Variants in GLI2 observed in about 807,000 individuals in gnomAD.
GLI2 encodes GLI family zinc finger 2.
Under a neutral mutation model 78.9 loss-of-function variants are expected in GLI2, and 22 were observed. The observed-to-expected ratio is 0.28, with a 90% CI of 0.20 to 0.40. GLI2 has a LOEUF of 0.40. Ranked by LOEUF, GLI2 falls within the 10% of genes least tolerant of loss-of-function variation. GLI2 has a pLI of 1.00. For missense variants in GLI2, 2,097 were observed against 2,213.2 expected, an observed-to-expected ratio of 0.95 and a Z score of 1.05; for synonymous variants, 974 against 963.7, an observed-to-expected ratio of 1.01 and a Z score of -0.20.
chr2:120,975,877 C>T (rs1682433319), intron 9 of GLI2, among the ~76,000 whole-genome samples: 1 of 152,196 alleles, frequency 6.6e-6, no homozygotes, highest in South Asian at 2.1e-4. Context: ...GTGACTCCAC[C>T]TCTGTGAGCT....
intron 3 of GLI2, among the ~76,000 whole-genome samples, chr2:120,947,465 A>T (rs953939002): frequency 2.6e-5 from 4 of 152,170 alleles, no homozygotes; most frequent in Non-Finnish European, 5.9e-5. Context: ...CACGGCTGTG[A>T]TCTCACTGGC....
At chr2:120,889,586 C>T (rs1316358441) in intron 2 of GLI2, among the ~76,000 whole-genome samples, 2 of 152,082 alleles carry the variant, frequency 1.3e-5, no homozygotes, top group African/African-American at 4.8e-5. Context: ...AAACCTCATA[C>T]CTGACAAGGG....
chr2:120,974,855 C>T (rs989480072), intron 8 of GLI2, 120 bp from the exon 9 acceptor site: 11 of 1,373,596 alleles, frequency 8.0e-6, no homozygotes, highest in South Asian at 5.8e-5. Context: ...CACACACTTG[C>T]ATCCACACCT....
At chr2:120,968,974 G>A (rs1440140354) in intron 6 of GLI2, 59 bp downstream of exon 6, 21 of 1,372,742 alleles carry the variant, frequency 1.5e-5, no homozygotes, top group Non-Finnish European at 2.1e-5. Context: ...GGCCCGGTGG[G>A]GAGGCGCTGG....
Position 120,990,390 on chromosome 2 carries a change from G to GGTCAACCAGGT in GLI2, c.4429_4439dup (p.Ser1481ThrfsTer36). ...AGCCCCAGCCCTTGCCCTCACCAGG[G>GGTCAACCAGGT]GTCAACCAGGTGTCCAGCACTGTGG... On this transcript the variant is annotated frameshift_variant, in exon 14 of 14. Transcript: ENST00000361492. LOFTEE classifies it high-confidence loss of function. 1 of 1,614,046 alleles carries GGTCAACCAGGT rather than the reference G, an allele frequency of 6.2e-7. No homozygotes were observed. Among genetic ancestry groups the GGTCAACCAGGT allele is most frequent in the Non-Finnish European group, 8.5e-7 (1 of 1,180,004 alleles).
rs1421535014 is a variant in GLI2, at chr2:120,797,484, C to T, written c.148+16C>T. 50 of 1,611,634 alleles carry T rather than the reference C, an allele frequency of 3.1e-5. No homozygotes were observed. The highest frequency in any genetic ancestry group is 3.4e-4 in the Middle Eastern group (2 of 5,944). ...GCCCAAGGAGGTACTTTCTGTTTCG[C>T]ACACTTGGAGGGCAGCAGGGGTGTT... On this transcript the variant is annotated intron_variant, in intron 2 of 13. Transcript: ENST00000361492.
At chr2:120,843,932 G>T (rs1050140702) in intron 2 of GLI2, among the ~76,000 whole-genome samples, 8 of 152,284 alleles carry the variant, frequency 5.3e-5, no homozygotes, top group African/African-American at 1.9e-4. Flanking sequence ...CTCCCAAAGT[G>T]CTGGGATTAC....
At chr2:120,770,749 A>G (rs950818786) in intron 1 of GLI2, among the ~76,000 whole-genome samples, 7 of 152,160 alleles carry the variant, frequency 4.6e-5, no homozygotes, top group East Asian at 3.9e-4. Context: ...ATGGTCACCA[A>G]TGGAAAGTGC....
At chr2:120,742,774 C>A (rs541195620) in intron 1 of GLI2, among the ~76,000 whole-genome samples, 1 of 151,838 alleles carries the variant, frequency 6.6e-6, no homozygotes, top group African/African-American at 2.4e-5. Context: ...CTTTTCAATT[C>A]CTACATAAAT....
At chr2:120,927,629 C>A in intron 3 of GLI2, among the ~76,000 whole-genome samples, 163 bp downstream of exon 3, 1 of 152,226 alleles carries the variant, frequency 6.6e-6, no homozygotes, top group East Asian at 1.9e-4. Flanking sequence ...TGGCCTGGGA[C>A]CCTGTGTGAG....
chr2:120,826,038 T>C (rs921782247), intron 2 of GLI2, among the ~76,000 whole-genome samples: 1 of 152,106 alleles, frequency 6.6e-6, no homozygotes, highest in Non-Finnish European at 1.5e-5. Context: ...GGCTGCCTGG[T>C]GACGGCCGCC....
In GLI2 at chr2:120,844,390, A is replaced by T. The variant is rs554909677; in HGVS notation, c.148+46922A>T. The stretch of plus-strand genomic sequence containing the variant: ...GATGGAATCTGCATAAAATTAGTAC[A>T]TCCAGCCCTACTTGGGTACAAGCTC... On this transcript the variant is annotated intron_variant, in intron 2 of 13. Coordinates refer to ENST00000361492, the MANE Select transcript of GLI2 (RefSeq NM_001374353.1). Among the ~76,000 whole-genome samples, 12 of 152,326 alleles carry T rather than the reference A, an allele frequency of 7.9e-5. No individual in the cohort carries two copies. The South Asian group carries it at 2.5e-3, about 32-fold the overall frequency.
chr2:120,805,622 G>A (rs1441656639), intron 2 of GLI2, among the ~76,000 whole-genome samples: 1 of 152,214 alleles, frequency 6.6e-6, no homozygotes, highest in Non-Finnish European at 1.5e-5. Context: ...AATGCAGAGG[G>A]TTGCCTAGTG....
At chr2:120,940,640 A>G (rs1329896201) in intron 3 of GLI2, among the ~76,000 whole-genome samples, 3 of 152,182 alleles carry the variant, frequency 2.0e-5, no homozygotes, top group Non-Finnish European at 4.4e-5. Flanking sequence ...AGGTCCTGGC[A>G]TGGTGATTCG....
At chr2:120,877,716 T>C (rs1166723305) in intron 2 of GLI2, among the ~76,000 whole-genome samples, 1 of 152,214 alleles carries the variant, frequency 6.6e-6, no homozygotes, top group African/African-American at 2.4e-5. Flanking sequence ...TTCTTATTGT[T>C]GAATAATATT....
intron 5 of GLI2, among the ~76,000 whole-genome samples, chr2:120,966,469 A>G (rs1338498213): frequency 6.6e-6 from 1 of 151,566 alleles, no homozygotes; most frequent in Non-Finnish European, 1.5e-5. Context: ...CTGGCTGTCT[A>G]CTCCCCTCTG....
At chr2:120,842,074 AAAACAG>A (rs1208256099) in intron 2 of GLI2, among the ~76,000 whole-genome samples, 1 of 151,278 alleles carries the variant, frequency 6.6e-6, no homozygotes, top group Non-Finnish European at 1.5e-5. Context: ...AAAAAAAAAA[AAAACAG>A]ACTTCTTTGC....
chr2:120,867,852 T>C (rs1688223907), intron 2 of GLI2, among the ~76,000 whole-genome samples: 1 of 151,432 alleles, frequency 6.6e-6, no homozygotes, highest in South Asian at 2.1e-4. Flanking sequence ...AGGAACTGGG[T>C]GGACACAGCT....
chr2:120,976,349 G>T (rs548654309), intron 9 of GLI2, among the ~76,000 whole-genome samples: 1 of 152,204 alleles, frequency 6.6e-6, no homozygotes, highest in Non-Finnish European at 1.5e-5. Flanking sequence ...GGTTTCTTTT[G>T]TGTTGGAGTT....
Sources: gnomAD v4.1 joint callset for allele counts (sites outside exome capture counted in the v4.1 genomes callset) on GRCh38, gnomAD v4.1.1 for gene constraint, MANE v1.5 for transcripts, NCBI Gene and HGNC (gene_info 2026-07-23, HGNC 2026-07-21) for gene names.